PHF8: variants seen among roughly 807,000 people sequenced by gnomAD.
PHF8 encodes the protein PHD finger protein 8.
A neutral mutation model predicts 74.4 loss-of-function variants in PHF8; 9 were observed. That is an observed-to-expected ratio of 0.12 (90% CI 0.07 to 0.21). The LOEUF (loss-of-function observed/expected upper bound fraction) is 0.21, where lower values mean the gene tolerates loss of function less well. PHF8 is among the 10% of genes least tolerant of loss of function. The pLI is 1.00. For synonymous variants in PHF8, 311 were observed against 316.6 expected (o/e 0.98, Z 0.19); for missense variants, 478 against 816.6 (o/e 0.59, Z 5.05).
chrX:54,023,151 A>AT (rs146083811), intron 2 of PHF8, among the ~76,000 whole-genome samples: 13,668 of 109,483 alleles, frequency 0.12, 903 homozygotes, highest in African/African-American at 0.24. Flanking sequence ...AATTTTTTGT[A>AT]TTTTTAGTAG....
At chrX:54,003,686 G>A (rs2065859034) in intron 8 of PHF8, among the ~76,000 whole-genome samples, 1 of 111,744 alleles carries the variant, frequency 8.9e-6, no homozygotes, top group Non-Finnish European at 1.9e-5. Flanking sequence ...ATATCTTTTG[G>A]TACATCTGAA....
intron 18 of PHF8, among the ~76,000 whole-genome samples, chrX:53,967,320 G>C (rs1557093188): frequency 5.5e-4 from 53 of 97,132 alleles, no homozygotes; most frequent in Middle Eastern, 7.1e-3. Flanking sequence ...GGAGGTGGGG[G>C]GGTCAGCCCC....
rs1557108254 is a variant in PHF8 at position 54,016,584 on chromosome X, G to A, written c.596+11C>T. On this transcript the variant is annotated intron_variant, in intron 6 of 21. Coordinates refer to ENST00000338154, the MANE Select transcript of PHF8 (RefSeq NM_015107.3). ...TTTGTCAGGTTTTTTTGTTATTCCTGCACCTCTTACCTGGTATCAGAGAAT... is the reference window on the plus strand; with the variant it reads ...TTTGTCAGGTTTTTTTGTTATTCCTACACCTCTTACCTGGTATCAGAGAAT... The A allele has an allele frequency of 1.7e-6, 2 of 1,197,410 alleles. No homozygotes were observed. The highest frequency in any genetic ancestry group is 2.3e-6 in the Non-Finnish European group (2 of 884,268).
At chrX:53,999,244 C>T (rs782561255) in intron 11 of PHF8, among the ~76,000 whole-genome samples, 6 of 112,158 alleles carry the variant, frequency 5.3e-5, no homozygotes, top group African/African-American at 1.9e-4. Context: ...TCAGCCTACT[C>T]CATGTGAAGA....
intron 19 of PHF8, among the ~76,000 whole-genome samples, chrX:53,960,756 T>A (rs781814992): frequency 5.2e-4 from 56 of 107,498 alleles, no homozygotes; most frequent in Middle Eastern, 4.7e-3. Context: ...AAAAAAAATT[T>A]AAAAAAAAAT....
At chrX:53,954,133 A>C (rs1234162685) in intron 19 of PHF8, among the ~76,000 whole-genome samples, 1 of 111,826 alleles carries the variant, frequency 8.9e-6, no homozygotes, top group East Asian at 2.8e-4. Context: ...ATGGGAGAAA[A>C]TAGATAAATT....
intron 2 of PHF8, among the ~76,000 whole-genome samples, chrX:54,038,362 T>C (rs151303673): frequency 1.8e-5 from 2 of 112,513 alleles, no homozygotes; most frequent in African/African-American, 6.4e-5. Flanking sequence ...ACAGTAATGA[T>C]ATGTTAGTCC....
In PHF8 at chrX:53,985,387, A is replaced by C. The variant is rs929851478; in HGVS notation, c.2130-160T>G. Among the ~76,000 whole-genome samples, 3 of 111,953 alleles carry C rather than the reference A, an allele frequency of 2.7e-5. No individual in the cohort carries two copies. In the South Asian group the frequency reaches 1.1e-3, roughly 42 times the overall value. On this transcript the variant is annotated intron_variant, in intron 17 of 21. Coordinates refer to ENST00000338154, the MANE Select transcript of PHF8 (RefSeq NM_015107.3). ...AGTGAAAAATTTGGAATTAAGTTTA[A>C]GGATCAAGACAGTATCATAGATTGC...
upstream of PHF8, chrX:54,044,777 C>T (rs1389739371): frequency 2.9e-6 from 2 of 686,382 alleles, no homozygotes; most frequent in East Asian, 3.7e-5. Flanking sequence ...CCAGCCTTCT[C>T]CTCCTATGAG....
chrX:53,945,877 T>G (rs1557085030), intron 19 of PHF8, among the ~76,000 whole-genome samples: 2 of 112,310 alleles, frequency 1.8e-5, no homozygotes, highest in African/African-American at 6.5e-5. Context: ...ATAAATTACT[T>G]GATACATAGC....
chrX:54,044,200 C>T lies in PHF8; in HGVS notation c.-531G>A. 5 of 755,004 alleles carry T rather than the reference C, an allele frequency of 6.6e-6. No individual in the cohort carries two copies. The highest frequency in any genetic ancestry group is 7.8e-6 in the Non-Finnish European group (5 of 639,474). 62.2% of individuals were successfully genotyped at this position (755,004 alleles called of 1,213,427 possible). A position where few individuals can be genotyped will look rare whatever the true frequency, so the allele number is the denominator to read the frequency against. On this transcript the variant is annotated 5_prime_UTR_variant, in exon 1 of 22. Coordinates refer to ENST00000338154, the MANE Select transcript of PHF8 (RefSeq NM_015107.3). ...CCGGCGAACGGGCAAGTGGCGTCGT[C>T]GCTGGGCCGGCAGGAGATACTCGCG... is the stretch of plus-strand genomic sequence containing the variant.
At chrX:53,975,833 T>C (rs1298350950) in intron 18 of PHF8, among the ~76,000 whole-genome samples, 1 of 111,702 alleles carries the variant, frequency 9.0e-6, no homozygotes, top group African/African-American at 3.3e-5. Context: ...GTTAATAATT[T>C]ACTGCATATT....
chrX:53,957,720 T>C (rs891707843), intron 19 of PHF8, among the ~76,000 whole-genome samples: 10 of 111,526 alleles, frequency 9.0e-5, no homozygotes, highest in East Asian at 8.4e-4. Flanking sequence ...TTCAGCCAAA[T>C]AGATGTGTAA....
chrX:53,995,590 G>A (rs903384887), intron 12 of PHF8, 103 bp downstream of exon 12: 1 of 540,374 alleles, frequency 1.9e-6, no homozygotes, highest in Non-Finnish European at 3.3e-6. Flanking sequence ...GGGTCTTCCC[G>A]ACCCTTCCCC....
chrX:53,985,455 C>G (rs1180795013), intron 17 of PHF8, among the ~76,000 whole-genome samples: 2 of 111,409 alleles, frequency 1.8e-5, no homozygotes, highest in Non-Finnish European at 3.8e-5. Flanking sequence ...TCTCCACAGA[C>G]AGCAGGCAAG....
intron 2 of PHF8, among the ~76,000 whole-genome samples, chrX:54,039,359 C>G (rs1248563734): frequency 1.8e-5 from 2 of 111,297 alleles, no homozygotes; most frequent in Non-Finnish European, 3.8e-5. Context: ...GCAGCCACCC[C>G]CAAGGACCTG....
rs181729048 is a variant in PHF8, at chrX:54,039,312, G to A, written c.98+3319C>T. 9.0e-5 allele frequency among the ~76,000 whole-genome samples: 10 copies of A among 111,590 alleles called. 1 individual carries two copies. The highest frequency in any genetic ancestry group is 2.9e-4 in the African/African-American group (9 of 30,757). On this transcript the variant is annotated intron_variant, in intron 2 of 21. Coordinates refer to ENST00000338154, the MANE Select transcript of PHF8 (RefSeq NM_015107.3). Reference sequence around the variant, plus strand: ...AACTTAAATGGCGCACTATAAGCCTGGTGTGTTTCTGTGAGCAATGCACTG... The same window carrying A: ...AACTTAAATGGCGCACTATAAGCCTAGTGTGTTTCTGTGAGCAATGCACTG...
intron 8 of PHF8, among the ~76,000 whole-genome samples, chrX:54,005,384 C>T (rs1304940088): frequency 3.9e-5 from 4 of 103,273 alleles, no homozygotes; most frequent in Admixed American, 1.1e-4. Context: ...TGCAGTGAGC[C>T]GAGATCGCTC....
At chrX:54,026,096 G>A (rs1235356958) in intron 2 of PHF8, among the ~76,000 whole-genome samples, 1 of 111,663 alleles carries the variant, frequency 9.0e-6, no homozygotes, top group African/African-American at 3.3e-5. Flanking sequence ...GCTCACGCCT[G>A]TAATCCCAGC....
Sources: allele counts gnomAD v4.1 joint callset (sites outside exome capture counted in the v4.1 genomes callset), GRCh38; gene constraint gnomAD v4.1.1; transcripts MANE v1.5; gene names NCBI Gene and HGNC (gene_info 2026-07-23, HGNC 2026-07-21).